SH3RF1: variants seen among roughly 807,000 people sequenced by gnomAD.
SH3RF1 encodes the protein E3 ubiquitin-protein ligase SH3RF1.
In SH3RF1, 32 loss-of-function variants were observed where a neutral mutation model predicts 74.0. The ratio of observed to expected loss-of-function variants is 0.43; its 90% confidence interval spans 0.33 to 0.58. The LOEUF (loss-of-function observed/expected upper bound fraction) is 0.58, where lower values mean the gene tolerates loss of function less well. Among genes scored for constraint, SH3RF1 ranks in the 20% least tolerant of loss-of-function variants. SH3RF1 has a pLI of 0.05. For synonymous variants in SH3RF1, 396 were observed against 439.6 expected, an observed-to-expected ratio of 0.90 and a Z score of 1.24; for missense variants, 954 against 1,130.9, an observed-to-expected ratio of 0.84 and a Z score of 2.24.
intron 8 of SH3RF1, among the ~76,000 whole-genome samples, chr4:169,119,697 C>T (rs1733405787): frequency 6.6e-6 from 1 of 152,102 alleles, no homozygotes; most frequent in African/African-American, 2.4e-5. Context: ...ATTCTGTCAC[C>T]ATCTGCAACA....
At chr4:169,193,401 C>T (rs1734760970) in intron 2 of SH3RF1, among the ~76,000 whole-genome samples, 1 of 152,122 alleles carries the variant, frequency 6.6e-6, no homozygotes, top group African/African-American at 2.4e-5. Context: ...TAGCTTCCAA[C>T]AGACAATGCA....
intron 4 of SH3RF1, among the ~76,000 whole-genome samples, chr4:169,138,152 A>C (rs1733729672): frequency 6.6e-6 from 1 of 152,206 alleles, no homozygotes; most frequent in Admixed American, 6.5e-5. Flanking sequence ...GGAGATCCAG[A>C]ATTTACAAAT....
At chr4:169,136,162 C>T (rs1335259005) in intron 5 of SH3RF1, among the ~76,000 whole-genome samples, 156 bp downstream of exon 5, 1 of 152,256 alleles carries the variant, frequency 6.6e-6, no homozygotes, top group Middle Eastern at 3.4e-3. Context: ...TCCATTTTTC[C>T]ACTTACAAAA....
At chr4:169,152,888 T>C (rs1250178615) in intron 4 of SH3RF1, among the ~76,000 whole-genome samples, 1 of 152,170 alleles carries the variant, frequency 6.6e-6, no homozygotes, top group Non-Finnish European at 1.5e-5. Flanking sequence ...GGGCAAACTA[T>C]TCCGGTAGCA....
At chr4:169,182,656 A>AC (rs939695766) in intron 2 of SH3RF1, among the ~76,000 whole-genome samples, 5 of 152,196 alleles carry the variant, frequency 3.3e-5, no homozygotes, top group African/African-American at 9.7e-5. Context: ...GGCTGGTTTC[A>AC]CTGTTAATGA....
At chr4:169,171,951 T>A (rs1734335786) in intron 2 of SH3RF1, among the ~76,000 whole-genome samples, 1 of 152,216 alleles carries the variant, frequency 6.6e-6, no homozygotes, top group South Asian at 2.1e-4. Context: ...GTTTATATAA[T>A]CATAATACTG....
At chr4:169,191,173 T>G (rs1032741662) in intron 2 of SH3RF1, among the ~76,000 whole-genome samples, 3 of 151,896 alleles carry the variant, frequency 2.0e-5, no homozygotes, top group African/African-American at 7.3e-5. Context: ...AAGACAAGGA[T>G]GCCCACCGTC....
chr4:169,215,023 C>T (rs887096934), intron 2 of SH3RF1, among the ~76,000 whole-genome samples: 1 of 152,056 alleles, frequency 6.6e-6, no homozygotes, highest in African/African-American at 2.4e-5. Flanking sequence ...AGGGGACATC[C>T]TTGTCTTGTT....
intron 2 of SH3RF1, among the ~76,000 whole-genome samples, chr4:169,185,766 T>C (rs924856084): frequency 6.6e-6 from 1 of 152,078 alleles, no homozygotes; most frequent in Non-Finnish European, 1.5e-5. Flanking sequence ...AATAACAGCT[T>C]TGGGTAAATA....
intron 2 of SH3RF1, among the ~76,000 whole-genome samples, chr4:169,216,963 C>G (rs1279527219): frequency 7.9e-6 from 1 of 125,818 alleles, no homozygotes; most frequent in Non-Finnish European, 1.6e-5. Context: ...CCAGCCTGAG[C>G]AACATGGCGA....
At chr4:169,192,933 AT>A in intron 2 of SH3RF1, among the ~76,000 whole-genome samples, 1 of 141,704 alleles carries the variant, frequency 7.1e-6, no homozygotes, top group Non-Finnish European at 1.6e-5. Context: ...ATATATATAT[AT>A]GATGGAATAC....
intron 2 of SH3RF1, among the ~76,000 whole-genome samples, chr4:169,225,265 T>C (rs376729130): frequency 9.2e-4 from 140 of 152,158 alleles, no homozygotes; most frequent in African/African-American, 2.2e-3. Flanking sequence ...GCTTCAGACA[T>C]ATTAGGTTTG....
intron 2 of SH3RF1, among the ~76,000 whole-genome samples, chr4:169,217,918 TG>T (rs565428741): frequency 2.4e-4 from 37 of 152,214 alleles, no homozygotes; most frequent in African/African-American, 7.7e-4. Context: ...TCTAAGCCAC[TG>T]GGTCTCTTCA....
At chr4:169,126,080 C>T (rs112422892) in intron 6 of SH3RF1, among the ~76,000 whole-genome samples, 14 of 152,274 alleles carry the variant, frequency 9.2e-5, no homozygotes, top group African/African-American at 2.9e-4. Flanking sequence ...ATTGTCTTTC[C>T]CAGTGCCCTG....
intron 2 of SH3RF1, among the ~76,000 whole-genome samples, chr4:169,182,065 C>A (rs952579296): frequency 4.1e-4 from 62 of 152,144 alleles, no homozygotes; most frequent in African/African-American, 1.4e-3. Context: ...ATTTTTGTTG[C>A]AGAAATAAAT....
At chr4:169,097,735 T>C (rs1316198074) in intron 11 of SH3RF1, among the ~76,000 whole-genome samples, 1 of 152,212 alleles carries the variant, frequency 6.6e-6, no homozygotes, top group East Asian at 1.9e-4. Flanking sequence ...CACTCTTGTG[T>C]AGTCTCCTCC....
chr4:169,175,841 C>A (rs1488602398), intron 2 of SH3RF1, among the ~76,000 whole-genome samples: 1 of 152,198 alleles, frequency 6.6e-6, no homozygotes, highest in African/African-American at 2.4e-5. Context: ...TCCCCCAATT[C>A]ATAAATTGAA....
At chr4:169,132,218 A>T (rs989116872) in intron 5 of SH3RF1, among the ~76,000 whole-genome samples, 1 of 152,218 alleles carries the variant, frequency 6.6e-6, no homozygotes, top group Non-Finnish European at 1.5e-5. Context: ...ACCAAAATAC[A>T]ACTTCCTGGG....
At chr4:169,251,428 G>T (rs1052788811) in intron 2 of SH3RF1, among the ~76,000 whole-genome samples, 2 of 152,164 alleles carry the variant, frequency 1.3e-5, no homozygotes, top group Admixed American at 6.5e-5. Context: ...CACAAAACAA[G>T]ATGACCATCC....
Sources: gnomAD v4.1 joint callset for allele counts (sites outside exome capture counted in the v4.1 genomes callset) on GRCh38, gnomAD v4.1.1 for gene constraint, MANE v1.5 for transcripts, NCBI Gene and HGNC (gene_info 2026-07-23, HGNC 2026-07-21) for gene names.